PCDHA2: variants seen among roughly 807,000 people sequenced by gnomAD.
PCDHA2 encodes protocadherin alpha-2.
In PCDHA2, 58 loss-of-function variants were observed where a neutral mutation model predicts 66.0. The observed-to-expected ratio is 0.88, with a 90% CI of 0.71 to 1.09. PCDHA2 has a LOEUF of 1.09. Among genes scored for constraint, PCDHA2 ranks in the 50% least tolerant of loss-of-function variants. The probability of loss-of-function intolerance (pLI) is 0.00; values close to 1 mark genes in which losing one functional copy is unlikely to be tolerated. For missense variants in PCDHA2, 1,267 were observed against 1,242.3 expected, an observed-to-expected ratio of 1.02 and a Z score of -0.30; for synonymous variants, 634 against 554.0, an observed-to-expected ratio of 1.14 and a Z score of -2.03.
chr5:140,860,471 C>T (rs566732753), intron 1 of PCDHA2: 1 of 152,040 alleles, frequency 6.6e-6, no homozygotes, highest in Admixed American at 6.6e-5. Context: ...ACAGTTGGTG[C>T]AGTAGTACTT....
At chr5:140,876,133 GAACT>G (rs782651538) in intron 1 of PCDHA2, 8 of 1,613,820 alleles carry the variant, frequency 5.0e-6, no homozygotes, top group East Asian at 2.2e-5. Flanking sequence ...CGGTAAACCA[GAACT>G]AACAGGGTCT....
chr5:140,798,315 C>A (rs190284106), intron 1 of PCDHA2, among the ~76,000 whole-genome samples: 318 of 152,024 alleles, frequency 2.1e-3, no homozygotes, highest in African/African-American at 7.4e-3. Flanking sequence ...GTAAAATAAC[C>A]CATTATTTGG....
At chr5:140,883,892 G>T in intron 1 of PCDHA2, 3 of 1,613,362 alleles carry the variant, frequency 1.9e-6, no homozygotes, top group Non-Finnish European at 1.7e-6. Context: ...CGACTCTGGC[G>T]TGCCGCCTCT....
chr5:140,917,151 G>A (rs974449842), intron 1 of PCDHA2, among the ~76,000 whole-genome samples: 1 of 152,160 alleles, frequency 6.6e-6, no homozygotes, highest in Non-Finnish European at 1.5e-5. Flanking sequence ...TGCTGCTGGG[G>A]GATATGGGAG....
In PCDHA2 at chr5:140,927,203, C is replaced by T. The variant is rs782141467; in HGVS notation, c.2389-51746C>T. ...ACCTACGACCTGGTGCTCGAGGACC[C>T]GCTGGAGCTGCACAAGATTCGGATT... On this transcript the variant is annotated intron_variant, in intron 1 of 3. Transcript: ENST00000526136. 65 of 1,614,104 alleles carry T rather than the reference C, an allele frequency of 4.0e-5. No homozygotes were observed. Among genetic ancestry groups the T allele is most frequent in the Non-Finnish European group, 5.1e-5 (60 of 1,180,040 alleles).
intron 1 of PCDHA2, among the ~76,000 whole-genome samples, chr5:140,840,092 G>T (rs1554137685): frequency 6.6e-6 from 1 of 151,972 alleles, no homozygotes; most frequent in Admixed American, 6.6e-5. Flanking sequence ...ACTTGTTGAA[G>T]ATTTTAGTGA....
At chr5:140,901,482 G>A (rs1348405650) in intron 1 of PCDHA2, among the ~76,000 whole-genome samples, 8 of 152,010 alleles carry the variant, frequency 5.3e-5, no homozygotes, top group African/African-American at 1.9e-4. Context: ...TATGTTCTTG[G>A]CACCTTCATC....
rs147440301 is a variant in PCDHA2, at chr5:140,924,523, G to A, written c.2389-54426G>A. On this transcript the variant is annotated intron_variant, in intron 1 of 3. Transcript: ENST00000526136. ...AATCCCACTCTTAGTGTTAAAAAGA[G>A]AATGCCCGAGCTACCCCTCTCCCCA... is the stretch of plus-strand genomic sequence containing the variant. Among the ~76,000 whole-genome samples, 1,224 of 152,202 alleles carry A rather than the reference G, an allele frequency of 8.0e-3. 6 individuals carry two copies. The highest frequency in any genetic ancestry group is 0.019 in the African/African-American group (791 of 41,530).
At chr5:140,851,204 A>T in intron 1 of PCDHA2, 2 of 1,181,712 alleles carry the variant, frequency 1.7e-6, no homozygotes, top group Non-Finnish European at 2.2e-6. Context: ...TTAGTCATTC[A>T]TTAAACATTA....
intron 1 of PCDHA2, chr5:140,863,608 T>A (rs548888922): frequency 5.7e-6 from 2 of 349,702 alleles, no homozygotes; most frequent in Non-Finnish European, 1.1e-5. Flanking sequence ...CCTATTAATG[T>A]CCCTCATAGT....
At chr5:140,824,904 G>A (rs1768387762) in intron 1 of PCDHA2, 2 of 152,018 alleles carry the variant, frequency 1.3e-5, no homozygotes, top group South Asian at 2.1e-4. Flanking sequence ...TGCCTAAGCA[G>A]TTCACCTGTA....
intron 1 of PCDHA2, chr5:140,836,425 G>C (rs2150260582): frequency 1.2e-6 from 2 of 1,613,790 alleles, no homozygotes; most frequent in Non-Finnish European, 1.7e-6. Context: ...GCGTCGTCGC[G>C]GGCATCGTTG....
intron 1 of PCDHA2, among the ~76,000 whole-genome samples, chr5:140,800,322 A>G (rs538965393): frequency 2.6e-5 from 4 of 152,288 alleles, no homozygotes; most frequent in Non-Finnish European, 5.9e-5. Context: ...AGTTACAGTC[A>G]AGACAGTTGA....
chr5:140,872,338 A>G (rs970096150), intron 1 of PCDHA2, among the ~76,000 whole-genome samples: 2 of 152,156 alleles, frequency 1.3e-5, no homozygotes, highest in Non-Finnish European at 2.9e-5. Flanking sequence ...AAAATTCTAC[A>G]TGTTCTTGCC....
chr5:140,836,071 C>T lies in PCDHA2; in HGVS notation c.2388+38719C>T, dbSNP rs2150251957. 10 of 1,613,504 alleles carry T rather than the reference C, an allele frequency of 6.2e-6. No homozygotes were observed. The East Asian group carries it at 1.8e-4, about 29-fold the overall frequency. The stretch of plus-strand genomic sequence containing the variant: ...GTGCTGGACGAGAACGACAACGCGC[C>T]GGCACTGCTGGCGCCTCGGGTGGGT... On this transcript the variant is annotated intron_variant, in intron 1 of 3. Transcript: ENST00000526136.
chr5:140,807,593 A>G, intron 1 of PCDHA2: 5 of 1,614,166 alleles, frequency 3.1e-6, no homozygotes, highest in Admixed American at 1.7e-5. Context: ...GTTCCCAGCA[A>G]CACAAAAGAA....
At chr5:140,889,347 T>A (rs531486529) in intron 1 of PCDHA2, among the ~76,000 whole-genome samples, 1 of 152,202 alleles carries the variant, frequency 6.6e-6, no homozygotes, top group South Asian at 2.1e-4. Context: ...GTGGGAATAT[T>A]TCTGATTACT....
At chr5:140,941,195 C>T (rs1337267572) in intron 1 of PCDHA2, among the ~76,000 whole-genome samples, 39 of 106,424 alleles carry the variant, frequency 3.7e-4, no homozygotes, top group Non-Finnish European at 4.9e-4. Context: ...CTTTTTTTTT[C>T]TTTCTTCCTT....
At chr5:140,817,150 A>C (rs1766074060) in intron 1 of PCDHA2, 1 of 152,244 alleles carries the variant, frequency 6.6e-6, no homozygotes, top group Non-Finnish European at 1.5e-5. Context: ...AGGTTCCATC[A>C]GTGCTCTGAG....
Sources: allele counts gnomAD v4.1 joint callset (sites outside exome capture counted in the v4.1 genomes callset), GRCh38; gene constraint gnomAD v4.1.1; transcripts MANE v1.5; gene names NCBI Gene and HGNC (gene_info 2026-07-23, HGNC 2026-07-21).